Variants in RASEF observed in about 807,000 individuals in gnomAD.
The protein encoded by RASEF is ras and EF-hand domain-containing protein.
A neutral mutation model predicts 90.1 loss-of-function variants in RASEF; 68 were observed. The observed-to-expected ratio is 0.75, with a 90% confidence interval of 0.62 to 0.92. The LOEUF is 0.92. Ranked by LOEUF, RASEF falls within the 40% of genes least tolerant of loss-of-function variation. RASEF has a pLI of 0.00. For synonymous variants in RASEF, 331 were observed against 345.2 expected, an observed-to-expected ratio of 0.96 and a Z score of 0.46; for missense variants, 949 against 937.2, an observed-to-expected ratio of 1.01 and a Z score of -0.16.
At chr9:83,048,059 C>T in intron 1 of RASEF, 1 of 945,026 alleles carries the variant, frequency 1.1e-6, no homozygotes, top group Non-Finnish European at 1.3e-6. Context: ...TTCCTCCCAG[C>T]ATATAAAGCA....
intron 1 of RASEF, among the ~76,000 whole-genome samples, chr9:83,045,439 C>T (rs1330593705): frequency 6.6e-6 from 1 of 152,202 alleles, no homozygotes; most frequent in Non-Finnish European, 1.5e-5. Flanking sequence ...GCTCAGCTAT[C>T]CCATCATATT....
the RASEF span, among the ~76,000 whole-genome samples, chr9:83,144,417 A>AAAGAAAGAAAGAAAGAAAG: frequency 2.2e-5 from 3 of 135,798 alleles, no homozygotes; most frequent in African/African-American, 5.5e-5. Context: ...AGAAAGAAAG[A>AAAGAAAGAAAGAAAGAAAG]AAAGAAAAGA....
chr9:83,054,465 T>G (rs1160201700), intron 1 of RASEF, among the ~76,000 whole-genome samples: 1 of 81,128 alleles, frequency 1.2e-5, no homozygotes, highest in Non-Finnish European at 2.2e-5. Context: ...TTTCAAAGTT[T>G]TCAACTTCTT....
the RASEF span, among the ~76,000 whole-genome samples, chr9:83,083,572 G>T: frequency 6.6e-6 from 1 of 151,798 alleles, no homozygotes; most frequent in Non-Finnish European, 1.5e-5. Context: ...AACAAAAGAG[G>T]CAAAAAACCC....
At chr9:83,195,140 T>G in the RASEF span, among the ~76,000 whole-genome samples, 1 of 152,238 alleles carries the variant, frequency 6.6e-6, no homozygotes, top group Admixed American at 6.5e-5. Context: ...GATCGTCATA[T>G]GTCACAGGCA....
At chr9:83,203,896 T>G in the RASEF span, among the ~76,000 whole-genome samples, 1 of 152,104 alleles carries the variant, frequency 6.6e-6, no homozygotes, top group Admixed American at 6.5e-5. Flanking sequence ...GCAAAACACA[T>G]GCTGATGTAG....
At chr9:83,192,556 A>T in the RASEF span, among the ~76,000 whole-genome samples, 1 of 152,168 alleles carries the variant, frequency 6.6e-6, no homozygotes, top group Non-Finnish European at 1.5e-5. Context: ...GGCCTACCAG[A>T]CAGTGAAGGG....
intron 2 of RASEF, among the ~76,000 whole-genome samples, chr9:83,025,298 G>T (rs548831862): frequency 6.6e-6 from 1 of 152,284 alleles, no homozygotes; most frequent in South Asian, 2.1e-4. Context: ...TGGGCAGTGT[G>T]CAGGGCTCAC....
At chr9:83,196,065 T>C in the RASEF span, among the ~76,000 whole-genome samples, 15 of 152,106 alleles carry the variant, frequency 9.9e-5, no homozygotes, top group African/African-American at 3.6e-4. Context: ...TCAAGGTGTT[T>C]CGCCTGAGTG....
At position 82,980,369 on chromosome 9, in the gene RASEF, G is replaced by T. The variant is rs1784533340; in HGVS notation, c.*2308C>A. ...AAGAAGCTTCTCTTTAAACATGATT[G>T]CTAACCAGAGCTCTAAGTCTCTAAT... On this transcript the variant is annotated 3_prime_UTR_variant, in exon 17 of 17. Transcript: ENST00000376447. The T allele has an allele frequency of 6.6e-6, 1 of 152,144 alleles. No individual in the cohort carries two copies. The highest frequency in any genetic ancestry group is 1.5e-5 in the Non-Finnish European group (1 of 68,034). 9.4% of individuals were successfully genotyped at this position (152,144 alleles called of 1,614,324 possible).
the RASEF span, among the ~76,000 whole-genome samples, chr9:83,121,237 CATT>C: frequency 3.3e-5 from 5 of 152,044 alleles, no homozygotes; most frequent in African/African-American, 1.2e-4. Flanking sequence ...AAATATTTCA[CATT>C]AATAATACAC....
chr9:83,113,834 C>G, the RASEF span, among the ~76,000 whole-genome samples: 1 of 152,112 alleles, frequency 6.6e-6, no homozygotes. Context: ...GGGACACAGA[C>G]CCTCATCAGT....
At chr9:83,133,055 T>C in the RASEF span, among the ~76,000 whole-genome samples, 1 of 152,306 alleles carries the variant, frequency 6.6e-6, no homozygotes, top group South Asian at 2.1e-4. Context: ...AACATTTCGA[T>C]GCACTGAAAT....
the RASEF span, among the ~76,000 whole-genome samples, chr9:83,194,579 C>T: frequency 3.3e-5 from 5 of 152,270 alleles, no homozygotes; most frequent in East Asian, 1.9e-4. Context: ...TAACTATAGA[C>T]CACACTCAAA....
chr9:83,099,718 C>T, the RASEF span, among the ~76,000 whole-genome samples: 123 of 152,364 alleles, frequency 8.1e-4, no homozygotes, highest in Non-Finnish European at 1.4e-3. Context: ...GTCCCAGGAA[C>T]TGCGCTTTGC....
chr9:83,116,664 C>T, the RASEF span, among the ~76,000 whole-genome samples: 1 of 152,098 alleles, frequency 6.6e-6, no homozygotes, highest in Non-Finnish European at 1.5e-5. Flanking sequence ...ACCATCATGG[C>T]CCACACTTTA....
chr9:83,030,486 A>G (rs751799277), intron 1 of RASEF, among the ~76,000 whole-genome samples: 26 of 152,364 alleles, frequency 1.7e-4, no homozygotes, highest in Non-Finnish European at 3.1e-4. Context: ...TGAGAAAGAA[A>G]CATAATGATT....
chr9:83,001,706 G>A (rs2118450234), intron 9 of RASEF, among the ~76,000 whole-genome samples: 1 of 152,246 alleles, frequency 6.6e-6, no homozygotes, highest in South Asian at 2.1e-4. Flanking sequence ...ATCCTCTCAG[G>A]TTGCACAAGA....
the RASEF span, among the ~76,000 whole-genome samples, chr9:83,174,646 G>A: frequency 6.6e-6 from 1 of 152,048 alleles, no homozygotes; most frequent in Non-Finnish European, 1.5e-5. Context: ...CTTTCTGTGT[G>A]AATTTAAGTA....
Sources: allele counts gnomAD v4.1 joint callset (sites outside exome capture counted in the v4.1 genomes callset), GRCh38; gene constraint gnomAD v4.1.1; transcripts MANE v1.5; gene names NCBI Gene and HGNC (gene_info 2026-07-23, HGNC 2026-07-21).